The following PNISR variants were observed in gnomAD, a reference collection of about 807,000 sequenced individuals.
The protein encoded by PNISR is PNN interacting serine and arginine rich protein, also known as arginine/serine-rich protein PNISR.
A neutral mutation model predicts 93.4 loss-of-function variants in PNISR; 20 were observed. The ratio of observed to expected loss-of-function variants is 0.21; its 90% CI spans 0.15 to 0.31. PNISR has a LOEUF of 0.31. PNISR is among the 10% of genes least tolerant of loss of function. The pLI, the probability that PNISR is intolerant of heterozygous loss-of-function variation, is 1.00. For synonymous variants in PNISR, 305 were observed against 306.5 expected, an observed-to-expected ratio of 0.99 and a Z score of 0.05; for missense variants, 893 against 985.4, an observed-to-expected ratio of 0.91 and a Z score of 1.25.
intron 5 of PNISR, 85 bp downstream of exon 5, chr6:99,410,656 G>GT (rs1582804558): frequency 1.1e-6 from 1 of 889,426 alleles, no homozygotes; most frequent in East Asian, 2.6e-5. Context: ...AGTGAAACAC[G>GT]TATCTTAGGT....
chr6:99,411,934 T>C (rs942031930), intron 4 of PNISR: 3 of 204,008 alleles, frequency 1.5e-5, no homozygotes, highest in Admixed American at 1.1e-4. Context: ...CATACCCAAA[T>C]GAGAGGCTGA....
chr6:99,407,029 TTAAAA>T (rs1776241403), intron 7 of PNISR, among the ~76,000 whole-genome samples: 1 of 152,034 alleles, frequency 6.6e-6, no homozygotes, highest in Non-Finnish European at 1.5e-5. Flanking sequence ...AGATTTTTTT[TTAAAA>T]AAAGACTGGA....
At position 99,408,171 on chromosome 6, in the gene PNISR, T is replaced by C; in HGVS notation, c.774A>G (p.Gln258=). Residue 258 remains glutamine, a synonymous_variant, in exon 7 of 12, where the codon CAA becomes CAG. Coordinates refer to ENST00000369239, the MANE Select transcript of PNISR (RefSeq NM_032870.4). The stretch of plus-strand genomic sequence containing the variant: ...CTTTTTTGGACAATTGTGAACGTTG[T>C]TGTTCCATTCTTTCTTTCTCCAATT... The part of the protein sequence containing the change: ...QKKLEKERME[Q]QRSQLSKKEK... 1.2e-6 allele frequency: 2 copies of C among 1,613,770 alleles called. No homozygotes were observed. Among genetic ancestry groups the C allele is most frequent in the Non-Finnish European group, 1.7e-6 (2 of 1,179,702 alleles).
At chr6:99,424,474 T>C (rs963799567) in intron 1 of PNISR, among the ~76,000 whole-genome samples, 1 of 152,164 alleles carries the variant, frequency 6.6e-6, no homozygotes, top group Non-Finnish European at 1.5e-5. Context: ...CTTTGCCACT[T>C]TACAAAAAAA....
intron 8 of PNISR, among the ~76,000 whole-genome samples, chr6:99,405,163 A>G (rs1775998257): frequency 6.6e-6 from 1 of 152,150 alleles, no homozygotes; most frequent in Admixed American, 6.5e-5. Flanking sequence ...CTGTAACATC[A>G]AAACTTCAAC....
Position 99,412,636 on chromosome 6 carries a change from T to A in PNISR, c.192A>T (p.Gly64=), listed in dbSNP as rs1388215400. ...VEQPPGMMPN[G]QDMSTMESGP... ...CAGATTCCATTGTAGACATATCTTGTCCATTTGGCATCATTCCTGGTGGTT... is the reference window on the plus strand; with the variant it reads ...CAGATTCCATTGTAGACATATCTTGACCATTTGGCATCATTCCTGGTGGTT... Residue 64 remains glycine (G), a synonymous_variant, in exon 4 of 12, where the codon GGA becomes GGT. Transcript: ENST00000369239. 5.0e-6 allele frequency: 8 copies of A among 1,612,584 alleles called. No homozygotes were observed. In the African/African-American group the frequency reaches 1.1e-4, roughly 22 times the overall value.
In PNISR at chr6:99,406,172, T is replaced by C. The variant is rs1378984646; in HGVS notation, c.865-4A>G. 17 of 1,595,226 alleles carry C rather than the reference T, an allele frequency of 1.1e-5. No homozygotes were observed. Among genetic ancestry groups the C allele is most frequent in the Non-Finnish European group, 1.3e-5 (15 of 1,165,756 alleles). On this transcript the variant is annotated splice_polypyrimidine_tract_variant and splice_region_variant and intron_variant, in intron 7 of 11. Coordinates refer to ENST00000369239, the MANE Select transcript of PNISR (RefSeq NM_032870.4). ...CTTCTTCTTCCTCATCACTATCCTA[T>C]AAAAAACAATAGTATGGTAGTCCAA...
At chr6:99,420,774 C>G (rs1274830355) in intron 1 of PNISR, among the ~76,000 whole-genome samples, 1 of 152,162 alleles carries the variant, frequency 6.6e-6, no homozygotes, top group East Asian at 1.9e-4. Context: ...TTCTTTACCA[C>G]TGTTTGAAAG....
intron 9 of PNISR, 154 bp downstream of exon 9, chr6:99,404,449 T>C (rs1337221661): frequency 7.4e-6 from 5 of 679,270 alleles, no homozygotes; most frequent in African/African-American, 5.4e-5. Context: ...AGCTTTAATA[T>C]GGTGTCTACG....
rs933041492 is a variant in PNISR at position 99,399,503 on chromosome 6, T to C, written c.*1037A>G. On this transcript the variant is annotated 3_prime_UTR_variant, in exon 12 of 12. Coordinates refer to ENST00000369239, the MANE Select transcript of PNISR (RefSeq NM_032870.4). Reference sequence around the variant, plus strand: ...GTCTTATTTCTATAACCCCAAAAAGTGTTTCAAAATGCTTCTAAAACAGAA... The same window carrying C: ...GTCTTATTTCTATAACCCCAAAAAGCGTTTCAAAATGCTTCTAAAACAGAA... 3 of 152,096 alleles carry C rather than the reference T, an allele frequency of 2.0e-5. No homozygotes were observed. Among genetic ancestry groups the C allele is most frequent in the African/African-American group, 7.2e-5 (3 of 41,444 alleles). The allele number at this position is 152,096 out of a possible 1,614,324, so 9.4% of individuals were successfully genotyped here.
Position 99,401,133 on chromosome 6 carries a change from TTCG to T in PNISR, c.1822_1824del (p.Arg608del), listed in dbSNP as rs563673748. ...CGTCTCTCTCGGGAAGGACTCCGAT[TTCG>T]TCGTCTTTCTCTTTCAATGCTATTT... On this transcript the variant is annotated inframe_deletion, in exon 12 of 12. Transcript: ENST00000369239. 2,398 of 1,614,046 alleles carry T rather than the reference TTCG, an allele frequency of 1.5e-3. 6 individuals carry two copies. The highest frequency in any genetic ancestry group is 2.8e-3 in the Admixed American group (170 of 60,012).
rs1775172340 is a variant in PNISR, at chr6:99,399,103, A to G, written c.*1437T>C. 1 of 152,134 alleles carries G rather than the reference A, an allele frequency of 6.6e-6. No individual in the cohort carries two copies. The highest frequency in any genetic ancestry group is 1.5e-5 in the Non-Finnish European group (1 of 67,970). The allele number at this position is 152,134 out of a possible 1,614,324, so 9.4% of individuals were successfully genotyped here. A position where few individuals can be genotyped will look rare whatever the true frequency, so the allele number is the denominator to read the frequency against. On this transcript the variant is annotated 3_prime_UTR_variant, in exon 12 of 12. Transcript: ENST00000369239. ...ACACTGATCTTGGCAAAAATCTGGC[A>G]TGATTTTTAAAATGAACTATTGCTG...
At chr6:99,415,040 T>C (rs1777493462) in intron 2 of PNISR, 1 of 153,838 alleles carries the variant, frequency 6.5e-6, no homozygotes, top group Non-Finnish European at 1.4e-5. Flanking sequence ...TCCTTTAAGA[T>C]AGTAACCAAA....
intron 1 of PNISR, 121 bp from the exon 2 acceptor site, chr6:99,416,549 T>A (rs1205860218): frequency 5.0e-6 from 2 of 396,104 alleles, no homozygotes; most frequent in Non-Finnish European, 8.9e-6. Context: ...TGCATTAACT[T>A]TATAATGGGG....
In PNISR at chr6:99,398,219, C is replaced by T. The variant is rs1466244408; in HGVS notation, c.*2321G>A. ...TTTTAATAGAACCTCTTAAACAAGA[C>T]ATTTTCATTAACCAATCCAGACCAA... On this transcript the variant is annotated 3_prime_UTR_variant, in exon 12 of 12. Transcript: ENST00000369239. 6.6e-6 allele frequency: 1 copy of T among 152,066 alleles called. No homozygotes were observed. Among genetic ancestry groups the T allele is most frequent in the African/African-American group, 2.4e-5 (1 of 41,432 alleles). The allele number at this position is 152,066 out of a possible 1,614,324, so 9.4% of individuals were successfully genotyped here. A position where few individuals can be genotyped will look rare whatever the true frequency, so the allele number is the denominator to read the frequency against.
chr6:99,406,248 C>T, intron 7 of PNISR, 80 bp from the exon 8 acceptor site: 3 of 837,550 alleles, frequency 3.6e-6, no homozygotes, highest in African/African-American at 1.7e-5. Flanking sequence ...AAATCTTAAA[C>T]CCCAAATTAA....
At chr6:99,405,950 G>GT in intron 8 of PNISR, 81 bp downstream of exon 8, 1 of 934,650 alleles carries the variant, frequency 1.1e-6, no homozygotes, top group South Asian at 1.8e-5. Flanking sequence ...TCTAGTTTCT[G>GT]TTTTTTCCTC....
At chr6:99,418,087 A>G (rs1369826400) in intron 1 of PNISR, among the ~76,000 whole-genome samples, 1 of 151,424 alleles carries the variant, frequency 6.6e-6, no homozygotes, top group East Asian at 1.9e-4. Context: ...AGAATTCTTT[A>G]GTCTAAATTT....
At chr6:99,401,861 A>T (rs1034580337) in intron 11 of PNISR, among the ~76,000 whole-genome samples, 13 of 152,204 alleles carry the variant, frequency 8.5e-5, no homozygotes, top group African/African-American at 1.4e-4. Context: ...TAATAAATTT[A>T]AAAAAATTCT....
Sources: allele counts gnomAD v4.1 joint callset (sites outside exome capture counted in the v4.1 genomes callset), GRCh38; gene constraint gnomAD v4.1.1; transcripts MANE v1.5; gene names NCBI Gene and HGNC (gene_info 2026-07-23, HGNC 2026-07-21).